EBF4: variants seen among roughly 807,000 people sequenced by gnomAD.
EBF4 encodes transcription factor COE4.
In EBF4, 34 loss-of-function variants were observed where a neutral mutation model predicts 67.1. That is an observed-to-expected ratio of 0.51 (90% CI 0.39 to 0.67). EBF4 has a LOEUF of 0.67. Among genes scored for constraint, EBF4 ranks in the 30% least tolerant of loss-of-function variants. The probability of loss-of-function intolerance (pLI) is 0.00; values close to 1 mark genes in which losing one functional copy is unlikely to be tolerated. For missense variants in EBF4, 837 were observed against 873.3 expected (o/e 0.96, Z 0.52); for synonymous variants, 387 against 377.7 (o/e 1.02, Z -0.29).
At chr20:2,740,322 A>T (rs2087949161) in intron 6 of EBF4, among the ~76,000 whole-genome samples, 1 of 152,206 alleles carries the variant, frequency 6.6e-6, no homozygotes, top group Non-Finnish European at 1.5e-5. Context: ...CAAAAAAAAA[A>T]TAGATTTATG....
intron 10 of EBF4, 139 bp downstream of exon 10, chr20:2,750,112 T>G: frequency 7.8e-7 from 1 of 1,275,586 alleles, no homozygotes; most frequent in Non-Finnish European, 1.0e-6. Context: ...CCGGGCCCCT[T>G]TAACCACCTA....
intron 6 of EBF4, among the ~76,000 whole-genome samples, chr20:2,731,662 C>T (rs1490730243): frequency 2.0e-5 from 3 of 152,220 alleles, no homozygotes; most frequent in South Asian, 2.1e-4. Flanking sequence ...TGTCTGGCCA[C>T]TTCTACTGTC....
chr20:2,742,342 C>T (rs1360264005), intron 6 of EBF4, among the ~76,000 whole-genome samples: 1 of 152,200 alleles, frequency 6.6e-6, no homozygotes, highest in African/African-American at 2.4e-5. Context: ...GCGTTCTGGG[C>T]AGTTGCTAAG....
chr20:2,750,466 A>C (rs1399090955), intron 10 of EBF4, among the ~76,000 whole-genome samples: 2 of 152,150 alleles, frequency 1.3e-5, no homozygotes, highest in Admixed American at 6.5e-5. Flanking sequence ...CGCCAGGGCG[A>C]GCAGTGAACA....
chr20:2,707,938 T>C lies in EBF4; in HGVS notation c.415-9T>C, dbSNP rs746187698. ...TTCCCCTCCAGCCTGTGCACCTCCC[T>C]CTCCCCAGGCCATCATCTATGAGGG... On this transcript the variant is annotated splice_polypyrimidine_tract_variant and intron_variant, in intron 4 of 16. Coordinates refer to ENST00000609451, the Ensembl canonical transcript of EBF4. The surrounding 1 kb of genome is among the most constrained non-coding windows in gnomAD (Gnocchi z 4.6). The C allele has an allele frequency of 3.8e-6, 6 of 1,586,982 alleles. No individual in the cohort carries two copies. In the South Asian group the frequency reaches 6.8e-5, roughly 18 times the overall value.
At chr20:2,722,388 A>T (rs543000781) in intron 6 of EBF4, among the ~76,000 whole-genome samples, 1 of 152,052 alleles carries the variant, frequency 6.6e-6, no homozygotes, top group East Asian at 1.9e-4. Context: ...GCACCAAGTC[A>T]TGCTTCCTTT....
chr20:2,726,902 G>A (rs918992150), intron 6 of EBF4, among the ~76,000 whole-genome samples: 5 of 151,958 alleles, frequency 3.3e-5, no homozygotes, highest in African/African-American at 9.7e-5. Context: ...TTGCAAACCC[G>A]AAACTCTATA....
intron 14 of EBF4, among the ~76,000 whole-genome samples, chr20:2,754,700 G>A (rs2088209216): frequency 6.6e-6 from 1 of 152,172 alleles, no homozygotes; most frequent in South Asian, 2.1e-4. Context: ...AGCCTTACCA[G>A]TCTTTACAGG....
Position 2,755,680 on chromosome 20 carries a change from G to T in EBF4, c.1594G>T (p.Ala532Ser). The T allele has an allele frequency of 7.4e-7, 1 of 1,354,512 alleles. No homozygotes were observed. The highest frequency in any genetic ancestry group is 9.7e-7 in the Non-Finnish European group (1 of 1,025,720). 83.9% of individuals were successfully genotyped at this position (1,354,512 alleles called of 1,614,324 possible). Residue 532 changes from alanine (A) to serine (S), a missense_variant, in exon 15 of 17, where the codon GCT (alanine) becomes TCT (serine). This residue lies in a region of EBF4 where 525 missense variants were observed against 496.5 expected (regional missense o/e 1.06). Transcript: ENST00000609451. The surrounding 1 kb of genome is among the most constrained non-coding windows in gnomAD (Gnocchi z 4.7). ...TGCCTCCTCCATGTCCCTCCCGGCC[G>T]CTGCCCCCACCACCAGCGTGTTCTC...
chr20:2,751,627 G>A lies in EBF4; in HGVS notation c.1019-73G>A. Reference sequence around the variant, plus strand: ...TCGGACTGGGCGCTGGCCTGCTTTTGGCGCCCTGCGTCTCACCCTGGGAGT... The same window carrying A: ...TCGGACTGGGCGCTGGCCTGCTTTTAGCGCCCTGCGTCTCACCCTGGGAGT... On this transcript the variant is annotated intron_variant, in intron 10 of 16. Transcript: ENST00000609451. This position sits in a 1 kb window ranked among gnomAD's most constrained non-coding sequence, Gnocchi z 5.2. 6.8e-7 allele frequency: 1 copy of A among 1,475,942 alleles called. No homozygotes were observed. Among genetic ancestry groups the A allele is most frequent in the Non-Finnish European group, 9.2e-7 (1 of 1,081,272 alleles). 91.4% of individuals were successfully genotyped at this position (1,475,942 alleles called of 1,614,324 possible). A position where few individuals can be genotyped will look rare whatever the true frequency, so the allele number is the denominator to read the frequency against.
At chr20:2,757,846 C>T (rs1473577486) in intron 15 of EBF4, among the ~76,000 whole-genome samples, 2 of 152,118 alleles carry the variant, frequency 1.3e-5, no homozygotes, top group South Asian at 2.1e-4. Context: ...ACTCGGGAGG[C>T]TGAGGTGGGA....
At chr20:2,694,167 C>T (rs1000877785) in intron 1 of EBF4, among the ~76,000 whole-genome samples, 17 of 152,252 alleles carry the variant, frequency 1.1e-4, no homozygotes, top group Non-Finnish European at 2.4e-4. Context: ...CTCTCCTTGT[C>T]CAATTCCGCA....
chr20:2,736,666 T>G (rs1350000080), intron 6 of EBF4, among the ~76,000 whole-genome samples: 1 of 152,200 alleles, frequency 6.6e-6, no homozygotes, highest in Non-Finnish European at 1.5e-5. Flanking sequence ...AAGGTTTCCC[T>G]CTTGCCACCT....
At position 2,739,290 on chromosome 20, in the gene EBF4, C is replaced by A. The variant is rs1214744248; in HGVS notation, c.558-9259C>A. Among the ~76,000 whole-genome samples the A allele has an allele frequency of 1.3e-5, 2 of 152,068 alleles. No homozygotes were observed. The highest frequency in any genetic ancestry group is 2.9e-5 in the Non-Finnish European group (2 of 68,020). ...CTGCCCTCCTCAGTCTTGTCAGGCA[C>A]CACTGATCGAGTGAGCCGTCTGCCC... On this transcript the variant is annotated intron_variant, in intron 6 of 16. Transcript: ENST00000609451. This position sits in a 1 kb window ranked among gnomAD's most constrained non-coding sequence, Gnocchi z 4.5.
In EBF4 at chr20:2,755,031, A is replaced by T. The variant is rs2088220146; in HGVS notation, c.1541-596A>T. The T allele has an allele frequency of 6.7e-6, 1 of 149,562 alleles. No homozygotes were observed. The highest frequency in any genetic ancestry group is 1.5e-5 in the Non-Finnish European group (1 of 67,648). 9.3% of individuals were successfully genotyped at this position (149,562 alleles called of 1,614,324 possible). A position where few individuals can be genotyped will look rare whatever the true frequency, so the allele number is the denominator to read the frequency against. ...GACCTGCATTAAGCTGTAAGGAAAC[A>T]AAGTACCCCAGGGTGCAGGGGGAAG... On this transcript the variant is annotated intron_variant, in intron 14 of 16. Coordinates refer to ENST00000609451, the Ensembl canonical transcript of EBF4. The surrounding 1 kb of genome is among the most constrained non-coding windows in gnomAD (Gnocchi z 4.7).
exon 2 of EBF4, chr20:2,705,679 G>T (rs1407982195): frequency 1.3e-6 from 2 of 1,551,766 alleles, no homozygotes; most frequent in Admixed American, 2.0e-5. Flanking sequence ...ACCGGCAGGG[G>T]CAGCCCGTGG....
At chr20:2,720,674 G>A (rs1174097047) in intron 6 of EBF4, among the ~76,000 whole-genome samples, 3 of 151,800 alleles carry the variant, frequency 2.0e-5, no homozygotes, top group Non-Finnish European at 2.9e-5. Flanking sequence ...ATTTTGCTTT[G>A]TCAATTGCTT....
At position 2,749,827 on chromosome 20, in the gene EBF4, C is replaced by G; in HGVS notation, c.892-20C>G. On this transcript the variant is annotated intron_variant, in intron 9 of 16. Coordinates refer to ENST00000609451, the Ensembl canonical transcript of EBF4. Reference sequence around the variant, plus strand: ...CCCTCGCCGGTGCGGGACCTGCAGGCCTCCCCTCTCCCCTCGCAGCTCATC... The same window carrying G: ...CCCTCGCCGGTGCGGGACCTGCAGGGCTCCCCTCTCCCCTCGCAGCTCATC... 6.5e-7 allele frequency: 1 copy of G among 1,545,472 alleles called. No individual in the cohort carries two copies. The highest frequency in any genetic ancestry group is 2.4e-5 in the East Asian group (1 of 40,818).
chr20:2,698,725 G>A (rs1333687892), intron 1 of EBF4, among the ~76,000 whole-genome samples: 1 of 152,124 alleles, frequency 6.6e-6, no homozygotes, highest in East Asian at 1.9e-4. Context: ...TCAACAAAGA[G>A]CCTCCCCCCA....
Sources: gnomAD v4.1 joint callset for allele counts (sites outside exome capture counted in the v4.1 genomes callset) on GRCh38, gnomAD v4.1.1 for gene constraint, gnomAD v4.1.1 regional missense constraint, Gnocchi (gnomAD v3.1) non-coding constraint, MANE v1.5 for transcripts, NCBI Gene and HGNC (gene_info 2026-07-23, HGNC 2026-07-21) for gene names.